The following STIL variants were observed in gnomAD, a reference collection of about 807,000 sequenced individuals.
STIL encodes STIL centriolar assembly protein.
In STIL, 55 loss-of-function variants were observed where a neutral mutation model predicts 110.1. That is an observed-to-expected ratio of 0.50 (90% CI 0.40 to 0.63). The LOEUF (loss-of-function observed/expected upper bound fraction) is 0.63, where lower values mean the gene tolerates loss of function less well. STIL is among the 20% of genes least tolerant of loss of function. STIL has a pLI of 0.00. For synonymous variants in STIL, 481 were observed against 530.0 expected, an observed-to-expected ratio of 0.91 and a Z score of 1.27; for missense variants, 1,358 against 1,530.0, an observed-to-expected ratio of 0.89 and a Z score of 1.87.
At chr1:47,278,193 T>C (rs1005519740) in intron 12 of STIL, among the ~76,000 whole-genome samples, 18 of 152,216 alleles carry the variant, frequency 1.2e-4, no homozygotes, top group African/African-American at 3.6e-4. Flanking sequence ...CACTGCTGCA[T>C]TGTTTGCAAT....
At chr1:47,310,082 C>T (rs568619633) in intron 2 of STIL, among the ~76,000 whole-genome samples, 194 bp downstream of exon 2, 24 of 152,270 alleles carry the variant, frequency 1.6e-4, no homozygotes, top group African/African-American at 5.5e-4. Context: ...GATTACCATC[C>T]TCATTTTACA....
intron 2 of STIL, among the ~76,000 whole-genome samples, chr1:47,307,987 C>T (rs1293898410): frequency 2.0e-5 from 3 of 152,108 alleles, no homozygotes; most frequent in Non-Finnish European, 2.9e-5. Flanking sequence ...GTAGTCAGAC[C>T]GGTTGATCTG....
intron 13 of STIL, among the ~76,000 whole-genome samples, chr1:47,271,021 C>G (rs1268904972): frequency 6.6e-6 from 1 of 151,998 alleles, no homozygotes; most frequent in South Asian, 2.1e-4. Context: ...ATCTTCAGAG[C>G]TATTTGCATG....
intron 16 of STIL, among the ~76,000 whole-genome samples, chr1:47,255,410 T>C (rs1644300019): frequency 6.6e-6 from 1 of 151,840 alleles, no homozygotes; most frequent in South Asian, 2.1e-4. Context: ...AAGCTGGGTG[T>C]GCTGCTGCAC....
At chr1:47,261,419 CAAAT>C (rs779001279) in intron 15 of STIL, among the ~76,000 whole-genome samples, 11 of 151,062 alleles carry the variant, frequency 7.3e-5, no homozygotes, top group Non-Finnish European at 1.3e-4. Flanking sequence ...AGAAAATAAA[CAAAT>C]AAAAATAAAA....
intron 2 of STIL, among the ~76,000 whole-genome samples, chr1:47,307,898 T>C (rs1646010254): frequency 6.6e-6 from 1 of 152,142 alleles, no homozygotes; most frequent in African/African-American, 2.4e-5. Context: ...ATGGTCGAGA[T>C]TGCAGAGGTG....
chr1:47,258,490 G>A (rs1644384839), intron 16 of STIL, among the ~76,000 whole-genome samples: 1 of 152,154 alleles, frequency 6.6e-6, no homozygotes, highest in Non-Finnish European at 1.5e-5. Context: ...AGAATATTAT[G>A]CAGCTGTTTA....
At chr1:47,313,140 A>T (rs1557785461) in intron 1 of STIL, 1 of 152,186 alleles carries the variant, frequency 6.6e-6, no homozygotes, top group Non-Finnish European at 1.5e-5. Flanking sequence ...CCCGACCAAC[A>T]TGGTGAAACC....
At chr1:47,290,677 C>T (rs1277088265) in intron 8 of STIL, among the ~76,000 whole-genome samples, 7 of 146,428 alleles carry the variant, frequency 4.8e-5, no homozygotes, top group Admixed American at 2.8e-4. Flanking sequence ...CACTCCAGCC[C>T]GGGCAACAGA....
intron 13 of STIL, among the ~76,000 whole-genome samples, chr1:47,270,723 G>A (rs2148861479): frequency 7.4e-6 from 1 of 135,980 alleles, no homozygotes; most frequent in South Asian, 2.3e-4. Flanking sequence ...TGTTGCTCAG[G>A]CTGGAGTGCA....
Position 47,272,002 on chromosome 1 carries a change from C to A in STIL, c.2383+74G>T, listed in dbSNP as rs550363481. On this transcript the variant is annotated intron_variant, in intron 13 of 16. Coordinates refer to ENST00000371877, the MANE Select transcript of STIL (RefSeq NM_001048166.1). ...CTACTGCACCATGCACCAATTTGAACATAAAATTCAAAAACCAGATATGAA... is the reference window on the plus strand; with the variant it reads ...CTACTGCACCATGCACCAATTTGAAAATAAAATTCAAAAACCAGATATGAA... 48 of 1,519,652 alleles carry A rather than the reference C, an allele frequency of 3.2e-5. No individual in the cohort carries two copies. In the African/African-American group the frequency reaches 6.1e-4, roughly 19 times the overall value. 94.1% of individuals were successfully genotyped at this position (1,519,652 alleles called of 1,614,324 possible).
chr1:47,304,838 T>C, intron 3 of STIL, 51 bp downstream of exon 3: 5 of 1,321,072 alleles, frequency 3.8e-6, no homozygotes, highest in Non-Finnish European at 3.3e-6. Flanking sequence ...TACATCTTTG[T>C]ATTACTCTTG....
At chr1:47,285,497 A>C (rs1462019662) in intron 10 of STIL, among the ~76,000 whole-genome samples, 1 of 152,120 alleles carries the variant, frequency 6.6e-6, no homozygotes, top group Non-Finnish European at 1.5e-5. Flanking sequence ...TCACTGTATC[A>C]CCCAGGATGG....
At chr1:47,252,089 G>C (rs1644201020) in intron 16 of STIL, among the ~76,000 whole-genome samples, 167 bp from the exon 17 acceptor site, 1 of 152,196 alleles carries the variant, frequency 6.6e-6, no homozygotes, top group Admixed American at 6.5e-5. Flanking sequence ...ATACACAAAG[G>C]ATACATATGG....
Position 47,301,623 on chromosome 1 carries a change from G to C in STIL, c.391C>G (p.Gln131Glu). 1.2e-6 allele frequency: 2 copies of C among 1,613,938 alleles called. No individual in the cohort carries two copies. Among genetic ancestry groups the C allele is most frequent in the Non-Finnish European group, 1.7e-6 (2 of 1,179,972 alleles). Reference protein sequence around the residue: ...DFLIPCKVHTQELCSREMIVH... With the variant: ...DFLIPCKVHTEELCSREMIVH... The stretch of plus-strand genomic sequence containing the variant: ...ATCATTTCTCTTGAACAAAGTTCTT[G>C]AGTATGAACTTTGCATGGAATCAAA... Residue 131 changes from glutamine (Q) to glutamate (E), a missense_variant, in exon 5 of 17, where the codon CAA becomes GAA. By Grantham distance (29) the Gln-to-Glu change is conservative. Transcript: ENST00000371877.
chr1:47,253,019 A>G (rs1644231174), intron 16 of STIL, among the ~76,000 whole-genome samples: 1 of 152,098 alleles, frequency 6.6e-6, no homozygotes, highest in African/African-American at 2.4e-5. Context: ...GCACAATTAC[A>G]GACTCAGGCT....
At position 47,280,261 on chromosome 1, in the gene STIL, G is replaced by A; in HGVS notation, c.2197C>T (p.Leu733=). The change falls in exon 12 of 17, where the codon CTA becomes TTA. Residue 733 remains leucine (L), a synonymous_variant. Transcript: ENST00000371877. ...YRFLTEQDRQ[L]RLLQAQIQRL... is the part of the protein sequence containing the mutation. ...CAAACCTGTGCCTGAAGTAGTCTTA[G>A]CTGTCTGTCTTGTTCTGTGAGGAAC... is the stretch of plus-strand genomic sequence containing the variant. 1 of 1,614,182 alleles carries A rather than the reference G, an allele frequency of 6.2e-7. No individual in the cohort carries two copies. The highest frequency in any genetic ancestry group is 1.1e-5 in the South Asian group (1 of 91,084).
rs747285953 is a variant in STIL, at chr1:47,302,287, T to C, written c.212A>G (p.Gln71Arg). The C allele has an allele frequency of 6.2e-7, 1 of 1,614,188 alleles. No homozygotes were observed. Among genetic ancestry groups the C allele is most frequent in the South Asian group, 1.1e-5 (1 of 91,084 alleles). The stretch of plus-strand genomic sequence containing the variant: ...AAAGCATGACGAATTTTTTTTATTC[T>C]GCTTAGCATGACGATAAGCAAGTCG... ...TIRLAYRHAK[Q>R]NKKNSSCFLL... The change falls in exon 4 of 17, where the codon CAG (glutamine) becomes CGG (arginine). Residue 71 changes from glutamine (Q) to arginine (R), a missense_variant. Transcript: ENST00000371877.
chr1:47,257,447 T>C (rs1384181448), intron 16 of STIL, among the ~76,000 whole-genome samples: 1 of 152,206 alleles, frequency 6.6e-6, no homozygotes, highest in African/African-American at 2.4e-5. Flanking sequence ...TAAATTATGA[T>C]TGTACCATCA....
Sources: gnomAD v4.1 joint callset for allele counts (sites outside exome capture counted in the v4.1 genomes callset) on GRCh38, gnomAD v4.1.1 for gene constraint, MANE v1.5 for transcripts, NCBI Gene and HGNC (gene_info 2026-07-23, HGNC 2026-07-21) for gene names.